SLC49A4: variants seen among roughly 807,000 people sequenced by gnomAD.
SLC49A4 encodes disrupted in renal cancer protein 2.
Under a neutral mutation model 50.6 loss-of-function variants are expected in SLC49A4, and 36 were observed. The ratio of observed to expected loss-of-function variants is 0.71; its 90% CI spans 0.55 to 0.94. The LOEUF is 0.94. Among genes scored for constraint, SLC49A4 ranks in the 40% least tolerant of loss-of-function variants. The pLI, the probability that SLC49A4 is intolerant of heterozygous loss-of-function variation, is 0.00. For missense variants in SLC49A4, 503 were observed against 605.7 expected (o/e 0.83, Z 1.78); for synonymous variants, 248 against 241.2 (o/e 1.03, Z -0.26).
chr3:122,877,194 A>C (rs1937277080), intron 8 of SLC49A4, among the ~76,000 whole-genome samples: 4 of 152,194 alleles, frequency 2.6e-5, no homozygotes. Context: ...TTATTAGAGC[A>C]CCTAAACAGT....
intron 4 of SLC49A4, among the ~76,000 whole-genome samples, chr3:122,844,206 G>A (rs1218689752): frequency 6.6e-6 from 1 of 152,126 alleles, no homozygotes; most frequent in Non-Finnish European, 1.5e-5. Context: ...AATTAACTGG[G>A]ATTACAGGTG....
At chr3:122,870,252 A>G (rs909063586) in intron 7 of SLC49A4, among the ~76,000 whole-genome samples, 20 of 152,008 alleles carry the variant, frequency 1.3e-4, no homozygotes, top group African/African-American at 3.6e-4. Flanking sequence ...CTTTCCTGTT[A>G]CTTACTTCAG....
intron 7 of SLC49A4, among the ~76,000 whole-genome samples, chr3:122,864,434 C>T (rs1275407802): frequency 6.6e-6 from 1 of 152,168 alleles, no homozygotes; most frequent in Non-Finnish European, 1.5e-5. Context: ...TCATTTTGTA[C>T]TGAACAGATG....
intron 2 of SLC49A4, among the ~76,000 whole-genome samples, chr3:122,824,896 C>G (rs1936505633): frequency 6.6e-6 from 1 of 151,828 alleles, no homozygotes; most frequent in African/African-American, 2.4e-5. Context: ...CCATGCCCAG[C>G]TAATTTTTGT....
intron 2 of SLC49A4, among the ~76,000 whole-genome samples, chr3:122,819,173 G>A (rs1936417600): frequency 6.6e-6 from 1 of 151,110 alleles, no homozygotes; most frequent in South Asian, 2.1e-4. Context: ...TGAGCCCAGA[G>A]GTCGAGGCTG....
intron 8 of SLC49A4, among the ~76,000 whole-genome samples, chr3:122,878,513 T>C (rs528950950): frequency 1.6e-4 from 24 of 152,308 alleles, no homozygotes; most frequent in Non-Finnish European, 3.4e-4. Flanking sequence ...GAGGATTGTC[T>C]TGTTGGAGAA....
chr3:122,865,370 C>T (rs1217027350), intron 7 of SLC49A4, among the ~76,000 whole-genome samples: 8 of 152,170 alleles, frequency 5.3e-5, no homozygotes, highest in African/African-American at 1.9e-4. Context: ...TTAATAGTAC[C>T]TTACAGCAAA....
Position 122,845,754 on chromosome 3 carries a change from C to T in SLC49A4, c.834-9C>T. On this transcript the variant is annotated splice_polypyrimidine_tract_variant and intron_variant, in intron 4 of 8. Transcript: ENST00000261038. ...TGTTACAATGTTTCCTTTTATTTCT[C>T]ATTCACAGCAATTTTCGATTTTTGA... is the stretch of plus-strand genomic sequence containing the variant. The T allele has an allele frequency of 6.6e-7, 1 of 1,521,790 alleles. No homozygotes were observed. Among genetic ancestry groups the T allele is most frequent in the South Asian group, 1.2e-5 (1 of 81,308 alleles). 94.3% of individuals were successfully genotyped at this position (1,521,790 alleles called of 1,614,324 possible).
intron 8 of SLC49A4, among the ~76,000 whole-genome samples, chr3:122,873,824 A>G (rs1284194542): frequency 4.6e-5 from 7 of 152,218 alleles, no homozygotes; most frequent in Non-Finnish European, 1.0e-4. Context: ...AAGTCTGACA[A>G]TCATTACATA....
intron 5 of SLC49A4, among the ~76,000 whole-genome samples, chr3:122,846,379 A>G (rs1936850044): frequency 6.6e-6 from 1 of 152,180 alleles, no homozygotes; most frequent in Admixed American, 6.5e-5. Context: ...AATAGAAGAG[A>G]ACACACTGCT....
intron 2 of SLC49A4, among the ~76,000 whole-genome samples, chr3:122,818,389 A>G (rs1229067543): frequency 6.6e-6 from 1 of 152,202 alleles, no homozygotes; most frequent in Non-Finnish European, 1.5e-5. Context: ...TGGAAAATCA[A>G]AATATTAGTA....
rs962566256 is a variant in SLC49A4 at position 122,879,471 on chromosome 3, G to A, written c.*93G>A. On this transcript the variant is annotated 3_prime_UTR_variant, in exon 9 of 9. Coordinates refer to ENST00000261038, the MANE Select transcript of SLC49A4 (RefSeq NM_032839.3). ...AATTGCACATCTAACAGGAAAAGAGGGAGAAGAAAGAAACTTCATTCAGAG... is the reference window on the plus strand; with the variant it reads ...AATTGCACATCTAACAGGAAAAGAGAGAGAAGAAAGAAACTTCATTCAGAG... 5.5e-6 allele frequency: 5 copies of A among 903,648 alleles called. No individual in the cohort carries two copies. Among genetic ancestry groups the A allele is most frequent in the East Asian group, 2.6e-5 (1 of 38,330 alleles). The allele number at this position is 903,648 out of a possible 1,614,324, so 56.0% of individuals were successfully genotyped here. A position where few individuals can be genotyped will look rare whatever the true frequency, so the allele number is the denominator to read the frequency against.
chr3:122,845,542 G>C (rs1936835032), intron 4 of SLC49A4, among the ~76,000 whole-genome samples: 1 of 149,064 alleles, frequency 6.7e-6, no homozygotes, highest in South Asian at 2.1e-4. Flanking sequence ...CATGGTGGCT[G>C]AACCAATTTA....
chr3:122,795,181 C>T lies in SLC49A4; in HGVS notation c.-12C>T. Reference sequence around the variant, plus strand: ...CTGCGCCCGGCAGTGGCTTCGCGGGCGACGCGTCGCCATGGGCTCTCGCTG... The same window carrying T: ...CTGCGCCCGGCAGTGGCTTCGCGGGTGACGCGTCGCCATGGGCTCTCGCTG... On this transcript the variant is annotated 5_prime_UTR_variant, in exon 1 of 9. Transcript: ENST00000261038. 7.6e-7 allele frequency: 1 copy of T among 1,315,032 alleles called. No homozygotes were observed. Among genetic ancestry groups the T allele is most frequent in the Non-Finnish European group, 9.6e-7 (1 of 1,041,478 alleles). The allele number at this position is 1,315,032 out of a possible 1,614,324, so 81.5% of individuals were successfully genotyped here.
rs749091197 is a variant in SLC49A4, at chr3:122,826,937, T to C, written c.575T>C (p.Leu192Pro). The change falls in exon 3 of 9, where the codon CTT becomes CCT. Residue 192 changes from leucine (L) to proline (P), a missense_variant. Transcript: ENST00000261038. The stretch of plus-strand genomic sequence containing the variant: ...GCTATTGCATCAATGCTCAGTTATC[T>C]TGGGGGAGCATGTGCATTTTTAGTT... Reference protein sequence around the residue: ...ATAIASMLSYLGGACAFLVGP... With the variant: ...ATAIASMLSYPGGACAFLVGP... 1 of 1,614,240 alleles carries C rather than the reference T, an allele frequency of 6.2e-7. No individual in the cohort carries two copies. Among genetic ancestry groups the C allele is most frequent in the Non-Finnish European group, 8.5e-7 (1 of 1,180,040 alleles).
At chr3:122,804,948 C>T (rs1357987437) in intron 1 of SLC49A4, among the ~76,000 whole-genome samples, 1 of 152,202 alleles carries the variant, frequency 6.6e-6, no homozygotes, top group Non-Finnish European at 1.5e-5. Flanking sequence ...TGGCCATAAA[C>T]AGTGCCTCAC....
At chr3:122,831,253 A>G (rs1019038246) in intron 3 of SLC49A4, among the ~76,000 whole-genome samples, 1 of 152,284 alleles carries the variant, frequency 6.6e-6, no homozygotes, top group Admixed American at 6.5e-5. Context: ...ATTACCATAC[A>G]ATCCAGAAAT....
chr3:122,874,600 A>G (rs931354310), intron 8 of SLC49A4, among the ~76,000 whole-genome samples: 41 of 152,230 alleles, frequency 2.7e-4, no homozygotes, highest in African/African-American at 9.9e-4. Flanking sequence ...TATTTTTTAA[A>G]TAATTTCAAT....
intron 2 of SLC49A4, among the ~76,000 whole-genome samples, chr3:122,818,525 A>T (rs999287679): frequency 1.3e-5 from 2 of 152,228 alleles, no homozygotes; most frequent in Non-Finnish European, 2.9e-5. Flanking sequence ...ACAAAATAAA[A>T]GTTATGTGAC....
Sources: gnomAD v4.1 joint callset for allele counts (sites outside exome capture counted in the v4.1 genomes callset) on GRCh38, gnomAD v4.1.1 for gene constraint, MANE v1.5 for transcripts, NCBI Gene and HGNC (gene_info 2026-07-23, HGNC 2026-07-21) for gene names.